Variants in SLC35F3 observed in about 807,000 individuals in gnomAD.
SLC35F3 encodes solute carrier family 35 member F3.
Under a neutral mutation model 49.9 loss-of-function variants are expected in SLC35F3, and 25 were observed. The ratio of observed to expected loss-of-function variants is 0.50; its 90% confidence interval spans 0.37 to 0.70. The LOEUF is 0.70. Ranked by LOEUF, SLC35F3 falls within the 30% of genes least tolerant of loss-of-function variation. The pLI, the probability that SLC35F3 is intolerant of heterozygous loss-of-function variation, is 0.00. For synonymous variants in SLC35F3, 275 were observed against 265.4 expected (o/e 1.04, Z -0.35); for missense variants, 525 against 639.8 (o/e 0.82, Z 1.94).
intron 3 of SLC35F3, among the ~76,000 whole-genome samples, chr1:234,279,178 TC>T (rs1668263916): frequency 6.6e-6 from 1 of 152,104 alleles, no homozygotes; most frequent in African/African-American, 2.4e-5. Flanking sequence ...GGAGGGGACT[TC>T]CAGGTCATAG....
At position 234,288,287 on chromosome 1, in the gene SLC35F3, G is replaced by A. The variant is rs540153672; in HGVS notation, c.609-20814G>A. On this transcript the variant is annotated intron_variant, in intron 3 of 7. Transcript: ENST00000366618. The stretch of plus-strand genomic sequence containing the variant: ...CTTTCCCCAAGCCAGGAGCAGCTGC[G>A]AAAACAAAGAAGGCAGTAAAATTCA... Among the ~76,000 whole-genome samples the A allele has an allele frequency of 1.1e-4, 16 of 152,260 alleles. 1 individual carries two copies. The highest frequency in any genetic ancestry group is 2.1e-4 in the South Asian group (1 of 4,816).
At chr1:234,121,199 C>T (rs1272234570) in intron 2 of SLC35F3, among the ~76,000 whole-genome samples, 3 of 143,456 alleles carry the variant, frequency 2.1e-5, no homozygotes, top group Non-Finnish European at 4.5e-5. Flanking sequence ...TGCAGTGGCG[C>T]AATCTTGGCT....
At chr1:234,058,811 T>C (rs1477436284) in intron 2 of SLC35F3, among the ~76,000 whole-genome samples, 2 of 152,184 alleles carry the variant, frequency 1.3e-5, no homozygotes, top group Non-Finnish European at 2.9e-5. Flanking sequence ...TGGGTTTTTT[T>C]TGGTTTATTG....
chr1:233,998,907 C>T (rs545132425), intron 2 of SLC35F3, among the ~76,000 whole-genome samples: 1 of 152,234 alleles, frequency 6.6e-6, no homozygotes, highest in East Asian at 1.9e-4. Flanking sequence ...AAGTATCAGC[C>T]TCTGGGTGCC....
intron 2 of SLC35F3, among the ~76,000 whole-genome samples, chr1:234,106,303 A>G (rs1665284261): frequency 6.6e-6 from 1 of 152,220 alleles, no homozygotes; most frequent in African/African-American, 2.4e-5. Context: ...TTCTTCCATG[A>G]TAAAAGAAAG....
chr1:234,025,245 GTCTT>G (rs1222054454), intron 2 of SLC35F3, among the ~76,000 whole-genome samples: 4 of 152,212 alleles, frequency 2.6e-5, no homozygotes, highest in Non-Finnish European at 5.9e-5. Flanking sequence ...TTGATTCCAT[GTCTT>G]TGTTATTGTA....
intron 2 of SLC35F3, among the ~76,000 whole-genome samples, chr1:234,124,966 TC>T (rs1665626184): frequency 6.6e-6 from 1 of 152,210 alleles, no homozygotes; most frequent in South Asian, 2.1e-4. Flanking sequence ...TTCTCAGCTT[TC>T]TTTTGGTTTG....
chr1:234,159,896 T>C (rs1331334953), intron 2 of SLC35F3, among the ~76,000 whole-genome samples: 27 of 152,234 alleles, frequency 1.8e-4, no homozygotes, highest in Admixed American at 1.8e-3. Context: ...CCTTTGTGTC[T>C]GGACTAATTT....
intron 2 of SLC35F3, among the ~76,000 whole-genome samples, chr1:234,038,485 G>C (rs1486363050): frequency 6.6e-6 from 1 of 151,922 alleles, no homozygotes; most frequent in Non-Finnish European, 1.5e-5. Context: ...ACCCAGTAAT[G>C]GGATGGCTGG....
intron 2 of SLC35F3, among the ~76,000 whole-genome samples, chr1:233,927,207 A>G (rs1046955343): frequency 1.3e-5 from 2 of 152,172 alleles, no homozygotes; most frequent in Admixed American, 6.6e-5. Context: ...AAGTTTCTAT[A>G]AACAAACAAT....
chr1:234,133,713 TAAGA>T (rs1379250253), intron 2 of SLC35F3, among the ~76,000 whole-genome samples: 1 of 152,238 alleles, frequency 6.6e-6, no homozygotes, highest in Non-Finnish European at 1.5e-5. Flanking sequence ...AAGTTAGAAA[TAAGA>T]TAGAGGCCAT....
intron 3 of SLC35F3, chr1:234,274,024 T>TA (rs1190661112): frequency 6.6e-6 from 1 of 152,200 alleles, no homozygotes; most frequent in Non-Finnish European, 1.5e-5. Context: ...ACTCCACTTT[T>TA]AAAAGGAAAA....
intron 2 of SLC35F3, among the ~76,000 whole-genome samples, chr1:233,985,966 G>T (rs959218659): frequency 3.3e-5 from 5 of 152,192 alleles, no homozygotes; most frequent in African/African-American, 9.7e-5. Flanking sequence ...GGCCCAGGCT[G>T]TGTGGGTTAA....
chr1:234,013,667 G>A (rs2358201), intron 2 of SLC35F3, among the ~76,000 whole-genome samples: 11,215 of 151,916 alleles, frequency 0.074, 866 homozygotes, highest in African/African-American at 0.19. Flanking sequence ...AACTGATACC[G>A]CAGAAACACA....
chr1:234,210,458 T>A (rs1469503504), intron 2 of SLC35F3, among the ~76,000 whole-genome samples: 1 of 152,130 alleles, frequency 6.6e-6, no homozygotes, highest in Non-Finnish European at 1.5e-5. Flanking sequence ...TCCTAGAGAC[T>A]TGTTGAATGG....
At chr1:233,980,935 A>G (rs986245272) in intron 2 of SLC35F3, among the ~76,000 whole-genome samples, 3 of 152,212 alleles carry the variant, frequency 2.0e-5, no homozygotes, top group Non-Finnish European at 2.9e-5. Context: ...TATTTCCCTC[A>G]TTTTGAAAGT....
At chr1:234,303,374 C>T (rs575690628) in intron 3 of SLC35F3, among the ~76,000 whole-genome samples, 1 of 152,348 alleles carries the variant, frequency 6.6e-6, no homozygotes. Context: ...GAATCTCCTC[C>T]AGGAGCCTTC....
intron 2 of SLC35F3, among the ~76,000 whole-genome samples, chr1:234,112,000 G>T (rs6691601): frequency 0.14 from 21,505 of 151,852 alleles, 3,199 homozygotes; most frequent in East Asian, 0.81. Context: ...CCATGCTTTC[G>T]GCAGAACCTC....
chr1:234,291,525 G>A (rs978177975), intron 3 of SLC35F3, among the ~76,000 whole-genome samples: 12 of 152,148 alleles, frequency 7.9e-5, no homozygotes, highest in African/African-American at 2.9e-4. Context: ...AAGTGCAGTG[G>A]TGCAATCATG....
Sources: allele counts gnomAD v4.1 joint callset (sites outside exome capture counted in the v4.1 genomes callset), GRCh38; gene constraint gnomAD v4.1.1; transcripts MANE v1.5; gene names NCBI Gene and HGNC (gene_info 2026-07-23, HGNC 2026-07-21).